COL21A1: variants seen among roughly 807,000 people sequenced by gnomAD.
COL21A1 encodes collagen type XXI alpha 1 chain.
A neutral mutation model predicts 137.9 loss-of-function variants in COL21A1; 149 were observed. The ratio of observed to expected loss-of-function variants is 1.08; its 90% CI spans 0.95 to 1.24. The LOEUF is 1.24. Ranked by LOEUF, COL21A1 falls within the 50% of genes most tolerant of loss-of-function variation. The pLI is 0.00. For synonymous variants in COL21A1, 456 were observed against 391.5 expected (o/e 1.16, Z -1.95); for missense variants, 1,167 against 1,158.4 (o/e 1.01, Z -0.11).
chr6:56,081,114 A>G (rs567093355), intron 17 of COL21A1, among the ~76,000 whole-genome samples: 1 of 152,008 alleles, frequency 6.6e-6, no homozygotes, highest in African/African-American at 2.4e-5. Flanking sequence ...TGGCATGACA[A>G]TGAACAAATT....
At chr6:56,224,471 T>C (rs370958154) in intron 1 of COL21A1, among the ~76,000 whole-genome samples, 14 of 152,258 alleles carry the variant, frequency 9.2e-5, no homozygotes, top group African/African-American at 2.9e-4. Flanking sequence ...CTTTATTTTA[T>C]ATGTAATTAA....
At chr6:56,161,078 G>A (rs1184660662) in intron 9 of COL21A1, among the ~76,000 whole-genome samples, 1 of 152,028 alleles carries the variant, frequency 6.6e-6, no homozygotes, top group East Asian at 1.9e-4. Context: ...AAATGCCCTT[G>A]GCCCTTGAAA....
intron 1 of COL21A1, among the ~76,000 whole-genome samples, chr6:56,369,583 T>C (rs1230118681): frequency 6.9e-6 from 1 of 144,884 alleles, no homozygotes; most frequent in Non-Finnish European, 1.5e-5. Flanking sequence ...CTGAACAAGA[T>C]AAGAAAGGAA....
intron 16 of COL21A1, among the ~76,000 whole-genome samples, chr6:56,115,135 A>T (rs1771804606): frequency 9.7e-6 from 1 of 103,280 alleles, no homozygotes; most frequent in East Asian, 3.9e-4. Flanking sequence ...GGAATATCAC[A>T]CTCTGGGGAC....
In COL21A1 at chr6:56,124,646, G is replaced by GTTT. The variant is rs1408885366; in HGVS notation, c.1651-357_1651-355dup. Among the ~76,000 whole-genome samples the GTTT allele has an allele frequency of 1.3e-4, 20 of 151,900 alleles. 1 individual carries two copies. The highest frequency in any genetic ancestry group is 3.9e-4 in the Admixed American group (6 of 15,236). On this transcript the variant is annotated intron_variant, in intron 14 of 29. Coordinates refer to ENST00000244728, the MANE Select transcript of COL21A1 (RefSeq NM_030820.4). ...GGACATGTTTTTTGTTTGTTTGTTT[G>GTTT]TTTGTTTGTTTTTGAGACGGAGTCT...
intron 1 of COL21A1, among the ~76,000 whole-genome samples, chr6:56,207,256 T>G (rs1779855783): frequency 6.6e-6 from 1 of 152,070 alleles, no homozygotes; most frequent in Non-Finnish European, 1.5e-5. Context: ...CGGGAGCTGG[T>G]TTTTTGAAAA....
chr6:56,252,928 A>G (rs1782885926), intron 1 of COL21A1, among the ~76,000 whole-genome samples: 1 of 152,170 alleles, frequency 6.6e-6, no homozygotes, highest in Non-Finnish European at 1.5e-5. Flanking sequence ...TTCAACAACA[A>G]TATCCTTGGA....
intron 1 of COL21A1, among the ~76,000 whole-genome samples, chr6:56,350,554 C>T (rs558001346): frequency 2.1e-4 from 32 of 152,246 alleles, no homozygotes; most frequent in Admixed American, 3.3e-4. Flanking sequence ...AAATACATTT[C>T]GGGGAAAATA....
intron 1 of COL21A1, among the ~76,000 whole-genome samples, chr6:56,369,281 A>T (rs1021809465): frequency 6.6e-6 from 1 of 151,944 alleles, no homozygotes; most frequent in Non-Finnish European, 1.5e-5. Flanking sequence ...TAGTTCAAGC[A>T]GTCTGATAAC....
intron 1 of COL21A1, among the ~76,000 whole-genome samples, chr6:56,328,444 C>T (rs181292670): frequency 7.2e-5 from 11 of 152,188 alleles, no homozygotes; most frequent in Admixed American, 2.6e-4. Flanking sequence ...TAAAACAGTA[C>T]TTCACCTATA....
intron 1 of COL21A1, among the ~76,000 whole-genome samples, chr6:56,193,744 A>T (rs551664256): frequency 6.6e-6 from 1 of 152,060 alleles, no homozygotes; most frequent in East Asian, 1.9e-4. Flanking sequence ...ATAAAGGTAC[A>T]AAAGGAGGTT....
In COL21A1 at chr6:56,240,418, G is replaced by A. The variant is rs536617320; in HGVS notation, c.-39+6969C>T. 2.6e-5 allele frequency among the ~76,000 whole-genome samples: 4 copies of A among 152,240 alleles called. No homozygotes were observed. In the South Asian group the frequency reaches 6.2e-4, roughly 24 times the overall value. ...CTTAGATTCCAGCCTCCAGAACTGT[G>A]AGGAAATAAATTTCTGTTCTTTATA... is the stretch of plus-strand genomic sequence containing the variant. On this transcript the variant is annotated intron_variant, in intron 1 of 29. Transcript: ENST00000244728.
intron 1 of COL21A1, among the ~76,000 whole-genome samples, chr6:56,219,003 A>T (rs1424256473): frequency 1.3e-5 from 2 of 152,082 alleles, no homozygotes; most frequent in Non-Finnish European, 2.9e-5. Flanking sequence ...GAAAAAGTTC[A>T]ATAAGTGGGT....
At chr6:56,252,640 G>A (rs1782880215) in intron 1 of COL21A1, among the ~76,000 whole-genome samples, 2 of 152,072 alleles carry the variant, frequency 1.3e-5, no homozygotes. Flanking sequence ...TAATCTACTA[G>A]ATGTATAAAG....
chr6:56,206,577 A>G (rs1378208462), intron 1 of COL21A1, among the ~76,000 whole-genome samples: 9 of 151,782 alleles, frequency 5.9e-5, no homozygotes, highest in Non-Finnish European at 2.9e-5. Context: ...TATTAGACAG[A>G]TCAATGAGAC....
At chr6:56,216,466 C>T (rs1780495952) in intron 1 of COL21A1, among the ~76,000 whole-genome samples, 1 of 152,048 alleles carries the variant, frequency 6.6e-6, no homozygotes, top group Non-Finnish European at 1.5e-5. Context: ...CCAAAGAAGT[C>T]TTTTAAAGCC....
At chr6:56,166,777 T>C in intron 7 of COL21A1, 129 bp downstream of exon 7, 1 of 771,188 alleles carries the variant, frequency 1.3e-6, no homozygotes. Flanking sequence ...GTAACTTCAC[T>C]TCCACTAACA....
chr6:56,315,754 G>T (rs1313794782), intron 1 of COL21A1, among the ~76,000 whole-genome samples: 1 of 150,756 alleles, frequency 6.6e-6, no homozygotes, highest in African/African-American at 2.4e-5. Context: ...CCTGAGTTAG[G>T]TCAATCAAGT....
intron 16 of COL21A1, among the ~76,000 whole-genome samples, chr6:56,112,300 G>A (rs1028645112): frequency 1.1e-4 from 16 of 152,090 alleles, no homozygotes; most frequent in Non-Finnish European, 2.1e-4. Context: ...TAAATCAGGA[G>A]GGAGGCAAGC....
Sources: gnomAD v4.1 joint callset for allele counts (sites outside exome capture counted in the v4.1 genomes callset) on GRCh38, gnomAD v4.1.1 for gene constraint, MANE v1.5 for transcripts, NCBI Gene and HGNC (gene_info 2026-07-23, HGNC 2026-07-21) for gene names.